Variants in ANGPT4 observed in about 807,000 individuals in gnomAD.
The protein encoded by ANGPT4 is angiopoietin-4.
A neutral mutation model predicts 53.0 loss-of-function variants in ANGPT4; 50 were observed. The observed-to-expected ratio is 0.94, with a 90% CI of 0.75 to 1.20. ANGPT4 has a LOEUF of 1.20. Among genes scored for constraint, ANGPT4 ranks in the 50% most tolerant of loss-of-function variants. The probability of loss-of-function intolerance (pLI) is 0.00; values close to 1 mark genes in which losing one functional copy is unlikely to be tolerated. For missense variants in ANGPT4, 648 were observed against 637.1 expected (o/e 1.02, Z -0.18); for synonymous variants, 251 against 259.7 (o/e 0.97, Z 0.32).
chr20:911,024 C>T lies in ANGPT4; in HGVS notation c.309+4882G>A, dbSNP rs999954287. ...AAATCAAACCCCAAGATATTTTGTTCGGCACCGAGACTCATTTCTTGTTTG... is the reference window on the plus strand; with the variant it reads ...AAATCAAACCCCAAGATATTTTGTTTGGCACCGAGACTCATTTCTTGTTTG... On this transcript the variant is annotated intron_variant, in intron 1 of 8. Transcript: ENST00000381922. The surrounding 1 kb of genome is among the most constrained non-coding windows in gnomAD (Gnocchi z 4.9). Among the ~76,000 whole-genome samples the T allele has an allele frequency of 1.3e-5, 2 of 152,076 alleles. No individual in the cohort carries two copies. The highest frequency in any genetic ancestry group is 2.4e-5 in the African/African-American group (1 of 41,418).
chr20:906,636 G>A (rs1035582161), intron 1 of ANGPT4, among the ~76,000 whole-genome samples: 2 of 152,136 alleles, frequency 1.3e-5, no homozygotes, highest in Admixed American at 6.5e-5. Context: ...TTGACAATGG[G>A]CTGACTTGTG....
chr20:886,335 C>T (rs1981618796), intron 3 of ANGPT4, among the ~76,000 whole-genome samples: 1 of 152,138 alleles, frequency 6.6e-6, no homozygotes, highest in African/African-American at 2.4e-5. Flanking sequence ...AAAGCAGGGA[C>T]CACATATGGT....
chr20:899,020 C>A (rs936569624), intron 1 of ANGPT4, among the ~76,000 whole-genome samples: 5 of 152,206 alleles, frequency 3.3e-5, no homozygotes, highest in Admixed American at 1.3e-4. Flanking sequence ...CTGCTGAAGA[C>A]TGACACTGCC....
At chr20:915,836 A>T in intron 1 of ANGPT4, 70 bp downstream of exon 1, 1 of 1,497,598 alleles carries the variant, frequency 6.7e-7, no homozygotes, top group Non-Finnish European at 9.0e-7. Context: ...TTGGATGGAC[A>T]CTCCACCTGC....
At chr20:887,482 G>T (rs1981657729) in intron 3 of ANGPT4, among the ~76,000 whole-genome samples, 2 of 152,318 alleles carry the variant, frequency 1.3e-5, no homozygotes, top group South Asian at 4.1e-4. Flanking sequence ...ACAACATCTT[G>T]CCTGATTCAC....
At chr20:875,468 C>A (rs1057251421) in intron 7 of ANGPT4, among the ~76,000 whole-genome samples, 4 of 152,184 alleles carry the variant, frequency 2.6e-5, no homozygotes, top group African/African-American at 9.7e-5. Flanking sequence ...CCAAGCCTGC[C>A]TGGTGATGAA....
At chr20:892,055 C>A (rs1218048587) in intron 1 of ANGPT4, among the ~76,000 whole-genome samples, 1 of 151,594 alleles carries the variant, frequency 6.6e-6, no homozygotes, top group East Asian at 1.9e-4. Context: ...CCAGAGAGAC[C>A]CCCCTCCTTC....
chr20:879,701 C>G (rs774106865), intron 6 of ANGPT4, 46 bp downstream of exon 6: 1 of 1,555,896 alleles, frequency 6.4e-7, no homozygotes, highest in South Asian at 1.1e-5. Flanking sequence ...AGCCCCAGCC[C>G]CAGGTTTCAG....
Position 916,272 on chromosome 20 carries a change from G to A in ANGPT4, c.-58C>T, listed in dbSNP as rs1982944715. 6.5e-7 allele frequency: 1 copy of A among 1,548,384 alleles called. No individual in the cohort carries two copies. Among genetic ancestry groups the A allele is most frequent in the African/African-American group, 1.4e-5 (1 of 73,892 alleles). Reference sequence around the variant, plus strand: ...TCAGAGCCCTAGGGGCTGTGCCTGGGATGTCCTGCTGCAGCCAACAGTGGC... The same window carrying A: ...TCAGAGCCCTAGGGGCTGTGCCTGGAATGTCCTGCTGCAGCCAACAGTGGC... On this transcript the variant is annotated 5_prime_UTR_variant, in exon 1 of 9. Coordinates refer to ENST00000381922, the MANE Select transcript of ANGPT4 (RefSeq NM_015985.4).
Position 872,894 on chromosome 20 carries a change from C to A in ANGPT4, c.*66G>T. The A allele has an allele frequency of 1.9e-6, 3 of 1,590,394 alleles. No individual in the cohort carries two copies. The highest frequency in any genetic ancestry group is 2.6e-6 in the Non-Finnish European group (3 of 1,165,592). ...TGGCACAGTGTCTTGCATCTGGGTC[C>A]AGGTTGTCCAGGAGTGCCAAGTCCG... is the stretch of plus-strand genomic sequence containing the variant. On this transcript the variant is annotated 3_prime_UTR_variant, in exon 9 of 9. Transcript: ENST00000381922.
Position 908,150 on chromosome 20 carries a change from A to T in ANGPT4, c.309+7756T>A, listed in dbSNP as rs993916039. Reference sequence around the variant, plus strand: ...AAGCTGGCTCAGAGGTCCACAGTCTATCAGAGAATGATCCTCAGTGAGGAC... The same window carrying T: ...AAGCTGGCTCAGAGGTCCACAGTCTTTCAGAGAATGATCCTCAGTGAGGAC... On this transcript the variant is annotated intron_variant, in intron 1 of 8. Coordinates refer to ENST00000381922, the MANE Select transcript of ANGPT4 (RefSeq NM_015985.4). The surrounding 1 kb of genome is among the most constrained non-coding windows in gnomAD (Gnocchi z 4.9). Among the ~76,000 whole-genome samples the T allele has an allele frequency of 6.6e-6, 1 of 152,124 alleles. No individual in the cohort carries two copies. Among genetic ancestry groups the T allele is most frequent in the African/African-American group, 2.4e-5 (1 of 41,418 alleles).
At chr20:899,601 C>T (rs535992879) in intron 1 of ANGPT4, among the ~76,000 whole-genome samples, 135 of 152,204 alleles carry the variant, frequency 8.9e-4, no homozygotes, top group African/African-American at 3.1e-3. Context: ...CCCACCTGCC[C>T]AGTACCCTTA....
At chr20:900,435 T>C (rs773073559) in intron 1 of ANGPT4, among the ~76,000 whole-genome samples, 6 of 152,166 alleles carry the variant, frequency 3.9e-5, no homozygotes, top group Non-Finnish European at 7.3e-5. Context: ...TACTTTGCAT[T>C]TCCAGTTTTG....
chr20:905,758 G>T lies in ANGPT4; in HGVS notation c.309+10148C>A, dbSNP rs141300920. 4.8e-4 allele frequency among the ~76,000 whole-genome samples: 73 copies of T among 152,302 alleles called. 1 individual carries two copies. In the East Asian group the frequency reaches 0.014, roughly 28 times the overall value. On this transcript the variant is annotated intron_variant, in intron 1 of 8. Coordinates refer to ENST00000381922, the MANE Select transcript of ANGPT4 (RefSeq NM_015985.4). ...GCCGAGACCTGGGCATGGTGCTGGG[G>T]ATAGAGCAGCTACCAGAACAGGCCA...
At chr20:878,066 G>A (rs555422398) in intron 7 of ANGPT4, 95 bp downstream of exon 7, 67 of 1,358,918 alleles carry the variant, frequency 4.9e-5, no homozygotes, top group Non-Finnish European at 6.0e-5. Context: ...GAGACTGACC[G>A]TTGGAGCAGA....
chr20:906,053 C>T (rs1450891493), intron 1 of ANGPT4, among the ~76,000 whole-genome samples: 2 of 152,196 alleles, frequency 1.3e-5, no homozygotes, highest in Admixed American at 6.5e-5. Flanking sequence ...TCAGGATGAC[C>T]CCAGGGATCC....
rs552262827 is a variant in ANGPT4, at chr20:912,239, T to G, written c.309+3667A>C. 1.2e-4 allele frequency among the ~76,000 whole-genome samples: 18 copies of G among 152,300 alleles called. No homozygotes were observed. In the South Asian group the frequency reaches 3.7e-3, roughly 32 times the overall value. On this transcript the variant is annotated intron_variant, in intron 1 of 8. Coordinates refer to ENST00000381922, the MANE Select transcript of ANGPT4 (RefSeq NM_015985.4). ...GGCAGTCACACACGGGAGCCCTTAT[T>G]GAGCACCTGCTGTGTGCAGAGGCTT...
chr20:890,474 C>T, intron 1 of ANGPT4, 106 bp from the exon 2 acceptor site: 5 of 1,065,424 alleles, frequency 4.7e-6, no homozygotes, highest in Non-Finnish European at 6.7e-6. Context: ...TGAGGCCTCC[C>T]TGGCTCAGAA....
Position 885,175 on chromosome 20 carries a change from G to A in ANGPT4, c.738C>T (p.His246=). 26 of 1,607,932 alleles carry A rather than the reference G, an allele frequency of 1.6e-5. No individual in the cohort carries two copies. The highest frequency in any genetic ancestry group is 2.1e-5 in the Non-Finnish European group (25 of 1,177,428). ...NIERGLRGVR[H]NSSLLQDQQH... The stretch of plus-strand genomic sequence containing the variant: ...GCTGGTCCTGCAGGAGGCTGGAGTT[G>A]TGCCTGACACCGCGCAGGCCGCGCT... The change falls in exon 4 of 9, where the codon CAC becomes CAT. Residue 246 remains histidine (H), a synonymous_variant. Coordinates refer to ENST00000381922, the MANE Select transcript of ANGPT4 (RefSeq NM_015985.4).
Sources: gnomAD v4.1 joint callset for allele counts (sites outside exome capture counted in the v4.1 genomes callset) on GRCh38, gnomAD v4.1.1 for gene constraint, Gnocchi (gnomAD v3.1) non-coding constraint, MANE v1.5 for transcripts, NCBI Gene and HGNC (gene_info 2026-07-23, HGNC 2026-07-21) for gene names.